ABCD4: variants seen among roughly 807,000 people sequenced by gnomAD.
The protein encoded by ABCD4 is lysosomal cobalamin transporter ABCD4.
ABCD4 carries 53 observed loss-of-function variants against 86.3 expected under a neutral mutation model. That is an observed-to-expected ratio of 0.61 (90% confidence interval 0.49 to 0.77). The LOEUF (loss-of-function observed/expected upper bound fraction) is 0.77. Ranked by LOEUF, ABCD4 falls within the 30% of genes least tolerant of loss-of-function variation. The probability of loss-of-function intolerance (pLI) is 0.00; values close to 1 mark genes in which losing one functional copy is unlikely to be tolerated. For synonymous variants in ABCD4, 328 were observed against 313.6 expected (o/e 1.05, Z -0.49); for missense variants, 757 against 764.5 (o/e 0.99, Z 0.12).
intron 1 of ABCD4, among the ~76,000 whole-genome samples, chr14:74,301,109 C>A (rs550393173): frequency 1.3e-5 from 2 of 151,416 alleles, no homozygotes; most frequent in South Asian, 4.2e-4. Context: ...CTGCCTCGGC[C>A]TCCCAAAGTG....
In ABCD4 at chr14:74,293,175, A is replaced by G. The variant is rs535572766; in HGVS notation, c.793T>C (p.Ser265Pro). 14 of 1,614,094 alleles carry G rather than the reference A, an allele frequency of 8.7e-6. No homozygotes were observed. The South Asian group carries it at 1.5e-4, about 18-fold the overall frequency. ...CTACTGTACAGCCAGAGCTCCTTGG[A>G]CATCAGCTCCCTCTGGGTCTGAAGG... ...RLLQTQRELMSKELWLYIGIN... is the reference protein window; with the variant it reads ...RLLQTQRELMPKELWLYIGIN... Residue 265 changes from serine to proline, a missense_variant, in exon 8 of 19, where the codon TCC becomes CCC. Transcript: ENST00000356924.
At chr14:74,293,334 T>TAGA (rs1376309218) in intron 7 of ABCD4, 86 bp from the exon 8 acceptor site, 2 of 1,244,606 alleles carry the variant, frequency 1.6e-6, no homozygotes, top group Admixed American at 3.8e-5. Context: ...CACCCTCCTT[T>TAGA]AGAAACCAAG....
rs1446245215 is a variant in ABCD4 at position 74,300,116 on chromosome 14, C to T, written c.157+34G>A. The T allele has an allele frequency of 8.3e-6, 11 of 1,320,994 alleles. No homozygotes were observed. In the East Asian group the frequency reaches 2.3e-4, roughly 28 times the overall value. The allele number at this position is 1,320,994 out of a possible 1,614,324, so 81.8% of individuals were successfully genotyped here. A position where few individuals can be genotyped will look rare whatever the true frequency, so the allele number is the denominator to read the frequency against. On this transcript the variant is annotated intron_variant, in intron 2 of 18. Coordinates refer to ENST00000356924, the MANE Select transcript of ABCD4 (RefSeq NM_005050.4). ...GGAAAGGGACCCCAAACCAGAGCTCCCCTCCCTCCTCTAGTCTGGGCTCAC... is the reference window on the plus strand; with the variant it reads ...GGAAAGGGACCCCAAACCAGAGCTCTCCTCCCTCCTCTAGTCTGGGCTCAC...
intron 5 of ABCD4, 46 bp from the exon 6 acceptor site, chr14:74,296,025 A>G: frequency 1.3e-6 from 2 of 1,556,388 alleles, no homozygotes; most frequent in Non-Finnish European, 1.7e-6. Context: ...GTGGGGTGCC[A>G]CCTATCCCCA....
At chr14:74,294,806 G>A in intron 7 of ABCD4, 1 of 295,996 alleles carries the variant, frequency 3.4e-6, no homozygotes, top group Admixed American at 4.7e-5. Context: ...CTCAGGCACT[G>A]GCAAGAAAGC....
At chr14:74,302,385 G>A (rs2084852444) in intron 1 of ABCD4, among the ~76,000 whole-genome samples, 1 of 152,144 alleles carries the variant, frequency 6.6e-6, no homozygotes, top group Non-Finnish European at 1.5e-5. Context: ...CCGCTATATA[G>A]ATTTCAAAGT....
At position 74,292,743 on chromosome 14, in the gene ABCD4, C is replaced by T. The variant is rs932682931; in HGVS notation, c.936+5G>A. 3 of 1,614,008 alleles carry T rather than the reference C, an allele frequency of 1.9e-6. No individual in the cohort carries two copies. The African/African-American group carries it at 4.0e-5, about 22-fold the overall frequency. On this transcript the variant is annotated splice_donor_5th_base_variant and intron_variant, in intron 9 of 18. Transcript: ENST00000356924. ...GCATGTGGGGTGACCAAGAGGGAGT[C>T]TCACCTTGCTGACCAGGGTGCTAAG...
In ABCD4 at chr14:74,290,402, C is replaced by T. The variant is rs755569781; in HGVS notation, c.1216G>A (p.Asp406Asn). The change falls in exon 12 of 19, where the codon GAT (aspartate) becomes AAT (asparagine). Residue 406 changes from aspartate to asparagine, a missense_variant. Transcript: ENST00000356924. ...APSSDKPLIKDLSLKISEGQS... is the reference protein window; with the variant it reads ...APSSDKPLIKNLSLKISEGQS... ...CCCTCGGAGATCTTTAGGCTCAGAT[C>T]CTTGATTAGGGGTTTGTCAGAGGAG... 1.2e-6 allele frequency: 2 copies of T among 1,614,068 alleles called. No homozygotes were observed. The highest frequency in any genetic ancestry group is 1.6e-4 in the Middle Eastern group (1 of 6,062).
chr14:74,286,859 T>C (rs757486647), intron 17 of ABCD4, 43 bp from the exon 18 acceptor site: 2 of 1,569,940 alleles, frequency 1.3e-6, no homozygotes, highest in Admixed American at 1.7e-5. Flanking sequence ...AGCCCTGCCC[T>C]CTGCCGCCGC....
At chr14:74,288,553 C>T (rs889475226) in intron 15 of ABCD4, 163 bp downstream of exon 15, 19 of 812,642 alleles carry the variant, frequency 2.3e-5, no homozygotes, top group Non-Finnish European at 3.7e-5. Flanking sequence ...CCCTTCGTGC[C>T]TAAACCTGGC....
rs141946116 is a variant in ABCD4 at position 74,300,835 on chromosome 14, T to G, written c.39-567A>C. On this transcript the variant is annotated intron_variant, in intron 1 of 18. Transcript: ENST00000356924. ...AGACTTGGAGGTGGTATCTGCAGAG[T>G]GCAAAACCAACAAGGACTTGAAATC... Among the ~76,000 whole-genome samples the G allele has an allele frequency of 7.7e-3, 1,170 of 152,204 alleles. 8 individuals are homozygous for G. Among genetic ancestry groups the G allele is most frequent in the African/African-American group, 0.027 (1,109 of 41,528 alleles).
chr14:74,291,823 G>C (rs1450818004), intron 11 of ABCD4, among the ~76,000 whole-genome samples: 2 of 152,174 alleles, frequency 1.3e-5, no homozygotes, highest in East Asian at 3.8e-4. Context: ...TTTCAGACAT[G>C]AAGAAACAGA....
chr14:74,293,322 C>A, intron 7 of ABCD4, 74 bp from the exon 8 acceptor site: 1 of 1,372,364 alleles, frequency 7.3e-7, no homozygotes, highest in South Asian at 1.2e-5. Flanking sequence ...TGTCCCATAT[C>A]ACACCCTCCT....
Position 74,286,799 on chromosome 14 carries a change from T to G in ABCD4, c.1654A>C (p.Ser552Arg). 1 of 1,614,092 alleles carries G rather than the reference T, an allele frequency of 6.2e-7. No individual in the cohort carries two copies. Among genetic ancestry groups the G allele is most frequent in the Non-Finnish European group, 8.5e-7 (1 of 1,180,036 alleles). ...PKYAVLDEATSALTEEVESEL... is the reference protein window; with the variant it reads ...PKYAVLDEATRALTEEVESEL... ...CTCTCCACTTCCTCTGTCAGGGCAC[T>G]GGTGGCTTCATCAAGCACTGAGGGG... is the stretch of plus-strand genomic sequence containing the variant. Residue 552 changes from serine to arginine, a missense_variant, in exon 18 of 19, where the codon AGT becomes CGT. Coordinates refer to ENST00000356924, the MANE Select transcript of ABCD4 (RefSeq NM_005050.4).
In ABCD4 at chr14:74,286,276, T is replaced by TTC. The variant is rs2079716312; in HGVS notation, c.*184_*185insGA. ...AGACTGAACACTGGGAGATTCAGTG[T>TTC]CCCCCACAGAAACCTAGACCTGGGC... On this transcript the variant is annotated 3_prime_UTR_variant, in exon 19 of 19. Transcript: ENST00000356924. The TTC allele has an allele frequency of 1.6e-6, 1 of 607,626 alleles. No homozygotes were observed. The highest frequency in any genetic ancestry group is 2.8e-5 in the East Asian group (1 of 35,562). 37.6% of individuals were successfully genotyped at this position (607,626 alleles called of 1,614,324 possible).
At chr14:74,301,046 G>T (rs2084323449) in intron 1 of ABCD4, among the ~76,000 whole-genome samples, 1 of 151,942 alleles carries the variant, frequency 6.6e-6, no homozygotes, top group Admixed American at 6.6e-5. Context: ...AGGAGACGGG[G>T]TTTCATCATA....
intron 4 of ABCD4, 45 bp downstream of exon 4, chr14:74,297,884 GA>G: frequency 6.4e-7 from 1 of 1,567,976 alleles, no homozygotes; most frequent in Non-Finnish European, 8.6e-7. Context: ...AGGCCAGAAG[GA>G]AAGGACCACA....
At position 74,287,803 on chromosome 14, in the gene ABCD4, A is replaced by G. The variant is rs1013565220; in HGVS notation, c.1636+7T>C. The G allele has an allele frequency of 6.2e-7, 1 of 1,609,014 alleles. No individual in the cohort carries two copies. The highest frequency in any genetic ancestry group is 8.5e-7 in the Non-Finnish European group (1 of 1,177,548). ...ATGGCATGTGCAGCCACAAGGCGAG[A>G]CCTCACCTGCGTACTTCGGCTGCAG... On this transcript the variant is annotated splice_region_variant and intron_variant, in intron 17 of 18. Coordinates refer to ENST00000356924, the MANE Select transcript of ABCD4 (RefSeq NM_005050.4).
intron 2 of ABCD4, 34 bp from the exon 3 acceptor site, chr14:74,299,709 T>C (rs992369140): frequency 1.3e-6 from 2 of 1,593,694 alleles, no homozygotes; most frequent in Non-Finnish European, 1.7e-6. Context: ...AAATCAGTGA[T>C]GAGGGGTTAA....
Sources: allele counts gnomAD v4.1 joint callset (sites outside exome capture counted in the v4.1 genomes callset), GRCh38; gene constraint gnomAD v4.1.1; transcripts MANE v1.5; gene names NCBI Gene and HGNC (gene_info 2026-07-23, HGNC 2026-07-21).